Variants in MAPKAP1 observed in about 807,000 individuals in gnomAD.
The protein encoded by MAPKAP1 is target of rapamycin complex 2 subunit MAPKAP1.
In MAPKAP1, 20 loss-of-function variants were observed where a neutral mutation model predicts 65.7. The ratio of observed to expected loss-of-function variants is 0.30; its 90% confidence interval spans 0.21 to 0.44. The LOEUF (loss-of-function observed/expected upper bound fraction) is 0.44, where lower values mean the gene tolerates loss of function less well. Among genes scored for constraint, MAPKAP1 ranks in the 20% least tolerant of loss-of-function variants. The probability of loss-of-function intolerance (pLI) is 1.00; values close to 1 mark genes in which losing one functional copy is unlikely to be tolerated. For synonymous variants in MAPKAP1, 222 were observed against 244.3 expected (o/e 0.91, Z 0.85); for missense variants, 423 against 648.0 (o/e 0.65, Z 3.77).
intron 4 of MAPKAP1, among the ~76,000 whole-genome samples, chr9:125,606,438 ACT>A (rs1460237030): frequency 6.6e-6 from 1 of 151,972 alleles, no homozygotes; most frequent in Non-Finnish European, 1.5e-5. Context: ...AGCAAGATTG[ACT>A]CTGACAGGTA....
chr9:125,548,440 G>A (rs768838448), intron 6 of MAPKAP1, among the ~76,000 whole-genome samples: 12 of 152,220 alleles, frequency 7.9e-5, no homozygotes, highest in Non-Finnish European at 1.3e-4. Context: ...AACCATGCTA[G>A]GAGAGACGGT....
intron 11 of MAPKAP1, among the ~76,000 whole-genome samples, chr9:125,442,407 C>A (rs1177972089): frequency 2.0e-5 from 3 of 152,148 alleles, no homozygotes; most frequent in African/African-American, 7.2e-5. Flanking sequence ...CTTCCACAGT[C>A]TCATACTGAA....
At chr9:125,607,585 T>C (rs1832475426) in intron 4 of MAPKAP1, among the ~76,000 whole-genome samples, 1 of 152,250 alleles carries the variant, frequency 6.6e-6, no homozygotes, top group African/African-American at 2.4e-5. Context: ...CTCCAGAGTC[T>C]GAGTTCTTAC....
intron 1 of MAPKAP1, among the ~76,000 whole-genome samples, chr9:125,693,846 T>TATACACACAC (rs10646202): frequency 0.046 from 6,235 of 135,492 alleles, 583 homozygotes; most frequent in African/African-American, 0.16. Context: ...TATACACACA[T>TATACACACAC]ACACACACAC....
At chr9:125,603,078 C>CT (rs35247956) in intron 4 of MAPKAP1, among the ~76,000 whole-genome samples, 3,224 of 85,096 alleles carry the variant, frequency 0.038, 48 homozygotes, top group South Asian at 0.077. Flanking sequence ...TTCTTTCTTT[C>CT]TTTTTTTTTT....
rs556357403 is a variant in MAPKAP1, at chr9:125,447,490, G to A, written c.1346-2892C>T. 5.7e-5 allele frequency: 26 copies of A among 456,532 alleles called. No individual in the cohort carries two copies. The highest frequency in any genetic ancestry group is 5.0e-4 in the African/African-American group (25 of 50,150). 28.3% of individuals were successfully genotyped at this position (456,532 alleles called of 1,614,324 possible). A position where few individuals can be genotyped will look rare whatever the true frequency, so the allele number is the denominator to read the frequency against. The stretch of plus-strand genomic sequence containing the variant: ...TGCAAGGAGTGATGAGCGGAACCCT[G>A]GGGGGCAAGGGCAGGTTAAGATCAG... On this transcript the variant is annotated intron_variant, in intron 10 of 11. Transcript: ENST00000265960. The surrounding 1 kb of genome is among the most constrained non-coding windows in gnomAD (Gnocchi z 4.5).
At chr9:125,637,813 C>G (rs1337092262) in intron 4 of MAPKAP1, among the ~76,000 whole-genome samples, 6 of 152,168 alleles carry the variant, frequency 3.9e-5, no homozygotes, top group Non-Finnish European at 5.9e-5. Flanking sequence ...CTCGCTGTTT[C>G]CTATGCTGGA....
chr9:125,652,132 A>G, intron 4 of MAPKAP1: 1 of 1,302,234 alleles, frequency 7.7e-7, no homozygotes, highest in Non-Finnish European at 1.0e-6. Flanking sequence ...CTGAGTTTGC[A>G]ACATTTCTCG....
At chr9:125,564,062 T>G (rs151328303) in intron 5 of MAPKAP1, among the ~76,000 whole-genome samples, 1 of 152,340 alleles carries the variant, frequency 6.6e-6, no homozygotes, top group African/African-American at 2.4e-5. Context: ...GGGAAAGTAA[T>G]AACCTTCTTT....
intron 8 of MAPKAP1, among the ~76,000 whole-genome samples, chr9:125,495,193 T>TA (rs1353035766): frequency 6.6e-6 from 1 of 152,116 alleles, no homozygotes; most frequent in Non-Finnish European, 1.5e-5. Flanking sequence ...CTAAGAACTG[T>TA]AACATCTGAT....
chr9:125,530,075 C>T (rs1048923824), intron 7 of MAPKAP1, among the ~76,000 whole-genome samples: 3 of 152,190 alleles, frequency 2.0e-5, no homozygotes, highest in African/African-American at 7.2e-5. Flanking sequence ...AGTATCAGGC[C>T]TCTGTAAGCA....
rs2132908443 is a variant in MAPKAP1 at position 125,438,333 on chromosome 9, T to C, written c.*554A>G. The C allele has an allele frequency of 5.0e-6, 2 of 399,000 alleles. No individual in the cohort carries two copies. The highest frequency in any genetic ancestry group is 8.8e-6 in the Non-Finnish European group (2 of 226,214). 24.7% of individuals were successfully genotyped at this position (399,000 alleles called of 1,614,324 possible). On this transcript the variant is annotated 3_prime_UTR_variant, in exon 12 of 12. Coordinates refer to ENST00000265960, the MANE Select transcript of MAPKAP1 (RefSeq NM_001006617.3). ...AAACAAATGGCATAGTTAAAACTAT[T>C]GACTAAGACCTAAACATTTCTTCTG...
chr9:125,563,753 G>C (rs1236224012), intron 5 of MAPKAP1, among the ~76,000 whole-genome samples: 2 of 151,978 alleles, frequency 1.3e-5, no homozygotes, highest in East Asian at 1.9e-4. Context: ...TCTTGCTCTT[G>C]TCACCCAGGC....
At chr9:125,631,783 G>A (rs2131686447) in intron 4 of MAPKAP1, among the ~76,000 whole-genome samples, 1 of 152,228 alleles carries the variant, frequency 6.6e-6, no homozygotes, top group African/African-American at 2.4e-5. Flanking sequence ...CACCTCAGAT[G>A]TTTACACCAG....
chr9:125,697,824 T>A (rs138719560), intron 1 of MAPKAP1, among the ~76,000 whole-genome samples: 3 of 152,294 alleles, frequency 2.0e-5, no homozygotes, highest in South Asian at 2.1e-4. Flanking sequence ...TGAGTAACCA[T>A]CTTACCATCT....
chr9:125,679,759 C>A (rs1035446114), intron 1 of MAPKAP1, among the ~76,000 whole-genome samples: 1 of 152,192 alleles, frequency 6.6e-6, no homozygotes, highest in Admixed American at 6.5e-5. Flanking sequence ...ATACGACTTA[C>A]AATGCTCACG....
At chr9:125,536,187 A>C (rs985851497) in intron 7 of MAPKAP1, among the ~76,000 whole-genome samples, 1 of 152,178 alleles carries the variant, frequency 6.6e-6, no homozygotes, top group Non-Finnish European at 1.5e-5. Flanking sequence ...TTTCTAGATA[A>C]AATAGTTGAC....
chr9:125,672,756 C>T (rs760886125), intron 1 of MAPKAP1, 113 bp from the exon 2 acceptor site: 18 of 672,224 alleles, frequency 2.7e-5, no homozygotes, highest in Non-Finnish European at 4.3e-5. Flanking sequence ...AACATTTATC[C>T]CTGTTCTGTG....
At chr9:125,695,831 T>C (rs1464395311) in intron 1 of MAPKAP1, among the ~76,000 whole-genome samples, 2 of 151,996 alleles carry the variant, frequency 1.3e-5, no homozygotes, top group Non-Finnish European at 2.9e-5. Flanking sequence ...CGGGTTCAAT[T>C]GCTTCTCCTG....
Sources: gnomAD v4.1 joint callset for allele counts (sites outside exome capture counted in the v4.1 genomes callset) on GRCh38, gnomAD v4.1.1 for gene constraint, Gnocchi (gnomAD v3.1) non-coding constraint, MANE v1.5 for transcripts, NCBI Gene and HGNC (gene_info 2026-07-23, HGNC 2026-07-21) for gene names.